Variants in GPR55 observed in about 807,000 individuals in gnomAD.
GPR55 encodes G protein-coupled receptor 55.
GPR55 carries 6 observed loss-of-function variants against 7.9 expected under a neutral mutation model. The observed-to-expected ratio is 0.76, with a 90% CI of 0.41 to 1.49. GPR55 has a LOEUF of 1.49. GPR55 is among the 40% of genes most tolerant of loss of function. GPR55 has a pLI of 0.01. For missense variants in GPR55, 376 were observed against 406.0 expected, an observed-to-expected ratio of 0.93 and a Z score of 0.63; for synonymous variants, 183 against 166.8, an observed-to-expected ratio of 1.10 and a Z score of -0.75.
chr2:230,952,380 C>T (rs925995365), intron 1 of GPR55, among the ~76,000 whole-genome samples: 2 of 152,228 alleles, frequency 1.3e-5, no homozygotes, highest in African/African-American at 2.4e-5. Flanking sequence ...GGAGCCTGGC[C>T]GTGCCTTGAA....
intron 1 of GPR55, among the ~76,000 whole-genome samples, chr2:230,922,227 A>G (rs943016287): frequency 6.6e-6 from 1 of 152,168 alleles, no homozygotes; most frequent in African/African-American, 2.4e-5. Flanking sequence ...AAAAGGAGAG[A>G]AAGTATGTGA....
intron 1 of GPR55, chr2:230,957,828 G>A: frequency 1.6e-6 from 1 of 610,138 alleles, no homozygotes; most frequent in South Asian, 1.4e-5. Context: ...TTCATTGTAG[G>A]TATAATTATG....
chr2:230,945,003 C>G (rs2125067475), intron 1 of GPR55, among the ~76,000 whole-genome samples: 1 of 152,356 alleles, frequency 6.6e-6, no homozygotes, highest in South Asian at 2.1e-4. Flanking sequence ...CTCCATGAAG[C>G]AGGAGCAGGA....
At chr2:230,954,137 G>A (rs1270116301) in intron 1 of GPR55, among the ~76,000 whole-genome samples, 2 of 152,270 alleles carry the variant, frequency 1.3e-5, no homozygotes, top group African/African-American at 4.8e-5. Flanking sequence ...AGGTTTCACA[G>A]CCCTGGCTAT....
intron 1 of GPR55, among the ~76,000 whole-genome samples, chr2:230,955,571 C>T (rs1465027844): frequency 1.3e-5 from 2 of 152,254 alleles, no homozygotes; most frequent in African/African-American, 4.8e-5. Flanking sequence ...GCCTATTAAA[C>T]ATCAGCTCAA....
upstream of GPR55, chr2:230,929,547 C>T (rs1337166146): frequency 1.3e-5 from 2 of 152,220 alleles, no homozygotes; most frequent in Non-Finnish European, 2.9e-5. Context: ...TGCAGATGCT[C>T]AGATATCTGT....
At chr2:230,933,161 C>T (rs374075945) in intron 1 of GPR55, among the ~76,000 whole-genome samples, 1 of 65,576 alleles carries the variant, frequency 1.5e-5, no homozygotes, top group African/African-American at 8.1e-5. Context: ...CTAGCCAAGC[C>T]CCTGAAGTCC....
At chr2:230,955,764 A>G (rs1691473585) in intron 1 of GPR55, among the ~76,000 whole-genome samples, 1 of 152,210 alleles carries the variant, frequency 6.6e-6, no homozygotes, top group Admixed American at 6.5e-5. Context: ...TCCATTGCCC[A>G]GGCTGGAGTG....
At chr2:230,925,955 G>T (rs554534284), upstream of GPR55, among the ~76,000 whole-genome samples, 8 of 152,184 alleles carry the variant, frequency 5.3e-5, no homozygotes, top group East Asian at 1.5e-3. Context: ...GGCCTGGGTG[G>T]CTCTTAGCTG....
At chr2:230,934,314 C>T (rs1036326834) in intron 1 of GPR55, among the ~76,000 whole-genome samples, 2 of 152,226 alleles carry the variant, frequency 1.3e-5, no homozygotes, top group African/African-American at 2.4e-5. Flanking sequence ...AGCTGTGGAA[C>T]GAGCACCGAG....
rs561433481 is a variant in GPR55 at position 230,913,921 on chromosome 2, T to C, written c.-134-2825A>G. ...ATAAGAATGAATACAAGTTTATGTT[T>C]AAAGAGATCCAATAAGATTTTGAAA... On this transcript the variant is annotated intron_variant, in intron 1 of 1. Coordinates refer to ENST00000650999, the MANE Select transcript of GPR55 (RefSeq NM_005683.4). 3.3e-5 allele frequency among the ~76,000 whole-genome samples: 5 copies of C among 152,324 alleles called. No homozygotes were observed. The East Asian group carries it at 9.6e-4, about 29-fold the overall frequency.
At chr2:230,939,780 G>A (rs1247588504) in intron 1 of GPR55, among the ~76,000 whole-genome samples, 2 of 152,112 alleles carry the variant, frequency 1.3e-5, no homozygotes, top group East Asian at 1.9e-4. Flanking sequence ...AAGTTGAACG[G>A]CCAGCCGGCA....
Position 230,910,940 on chromosome 2 carries a change from C to T in GPR55, c.23G>A (p.Gly8Glu). The part of the protein sequence containing the change: MSQQNTS[G>E]DCLFDGVNEL... ...GTTGACACCGTCAAACAGGCAGTCCCCACTGGTGTTTTGCTGACTCATGTT... is the reference window on the plus strand; with the variant it reads ...GTTGACACCGTCAAACAGGCAGTCCTCACTGGTGTTTTGCTGACTCATGTT... The change falls in exon 2 of 2, where the codon GGG (glycine) becomes GAG (glutamate). Residue 8 changes from glycine to glutamate, a missense_variant. Physicochemically the swap from Gly to Glu is moderately conservative, Grantham distance 98 (BLOSUM62 -2). Transcript: ENST00000650999. This position sits in a 1 kb window ranked among gnomAD's most constrained non-coding sequence, Gnocchi z 5.4. 6.2e-7 allele frequency: 1 copy of T among 1,602,954 alleles called. No homozygotes were observed. Among genetic ancestry groups the T allele is most frequent in the South Asian group, 1.1e-5 (1 of 90,322 alleles).
chr2:230,935,787 G>T (rs1691123416), intron 1 of GPR55, among the ~76,000 whole-genome samples: 1 of 152,214 alleles, frequency 6.6e-6, no homozygotes, highest in Non-Finnish European at 1.5e-5. Context: ...TTGGATTTTG[G>T]ATTTTTTTAG....
chr2:230,914,400 G>A (rs552293296), intron 1 of GPR55, among the ~76,000 whole-genome samples: 9 of 152,152 alleles, frequency 5.9e-5, no homozygotes, highest in Non-Finnish European at 1.2e-4. Flanking sequence ...TCTATGGGCT[G>A]GCAAGAAGAA....
chr2:230,957,287 C>T (rs1365986969), intron 1 of GPR55, among the ~76,000 whole-genome samples: 1 of 152,210 alleles, frequency 6.6e-6, no homozygotes, highest in Non-Finnish European at 1.5e-5. Context: ...GCTGGCATCA[C>T]TACGCTTGTG....
chr2:230,951,573 C>G (rs796906824), intron 1 of GPR55, among the ~76,000 whole-genome samples: 1 of 152,094 alleles, frequency 6.6e-6, no homozygotes, highest in Admixed American at 6.5e-5. Context: ...GCAACACATA[C>G]CAGGGGCCTT....
At chr2:230,939,889 A>C (rs116172441) in intron 1 of GPR55, among the ~76,000 whole-genome samples, 3,696 of 151,902 alleles carry the variant, frequency 0.024, 140 homozygotes, top group African/African-American at 0.085. Flanking sequence ...GCGGGGAGAG[A>C]CAGTCACAGG....
chr2:230,910,006 G>GC lies in GPR55; in HGVS notation c.956dup (p.Ter320LeufsTer27), dbSNP rs1690546647. ...CCCTGAACAGGATGTCCTTCCGTTA[G>GC]CCCCGGGAGATCGTGGTGTCCTGCA... On this transcript the variant is annotated frameshift_variant, in exon 2 of 2. Coordinates refer to ENST00000650999, the MANE Select transcript of GPR55 (RefSeq NM_005683.4). LOFTEE classifies it high-confidence loss of function. The surrounding 1 kb of genome is among the most constrained non-coding windows in gnomAD (Gnocchi z 5.4). The GC allele has an allele frequency of 6.2e-7, 1 of 1,611,742 alleles. No homozygotes were observed. Among genetic ancestry groups the GC allele is most frequent in the African/African-American group, 1.3e-5 (1 of 74,948 alleles).
Sources: gnomAD v4.1 joint callset for allele counts (sites outside exome capture counted in the v4.1 genomes callset) on GRCh38, gnomAD v4.1.1 for gene constraint, Gnocchi (gnomAD v3.1) non-coding constraint, MANE v1.5 for transcripts, NCBI Gene and HGNC (gene_info 2026-07-23, HGNC 2026-07-21) for gene names.